The following RNF157 variants were observed in gnomAD, a reference collection of about 807,000 sequenced individuals.
RNF157 encodes E3 ubiquitin ligase RNF157.
RNF157 carries 55 observed loss-of-function variants against 88.3 expected under a neutral mutation model. The ratio of observed to expected loss-of-function variants is 0.62; its 90% CI spans 0.50 to 0.78. RNF157 has a LOEUF of 0.78. Among genes scored for constraint, RNF157 ranks in the 30% least tolerant of loss-of-function variants. The probability of loss-of-function intolerance (pLI) is 0.00; values close to 1 mark genes in which losing one functional copy is unlikely to be tolerated. For synonymous variants in RNF157, 334 were observed against 341.2 expected (o/e 0.98, Z 0.23); for missense variants, 788 against 860.8 (o/e 0.92, Z 1.06).
chr17:76,161,732 C>G lies in RNF157; in HGVS notation c.953-85G>C. 6.6e-7 allele frequency: 1 copy of G among 1,525,676 alleles called. No homozygotes were observed. Among genetic ancestry groups the G allele is most frequent in the Non-Finnish European group, 9.0e-7 (1 of 1,110,382 alleles). 94.5% of individuals were successfully genotyped at this position (1,525,676 alleles called of 1,614,324 possible). ...GCCCAGACAGAAACCATGATCCCTCCCAGCGCGCATCCGTTTGTCAGATCC... is the reference window on the plus strand; with the variant it reads ...GCCCAGACAGAAACCATGATCCCTCGCAGCGCGCATCCGTTTGTCAGATCC... On this transcript the variant is annotated intron_variant, in intron 10 of 18. Coordinates refer to ENST00000269391, the MANE Select transcript of RNF157 (RefSeq NM_052916.3). The surrounding 1 kb of genome is among the most constrained non-coding windows in gnomAD (Gnocchi z 4.6).
rs2068853399 is a variant in RNF157 at position 76,162,012 on chromosome 17, GAGAA to G, written c.793-14_793-11del. 1 of 1,611,542 alleles carries G rather than the reference GAGAA, an allele frequency of 6.2e-7. No individual in the cohort carries two copies. Among genetic ancestry groups the G allele is most frequent in the African/African-American group, 1.3e-5 (1 of 74,896 alleles). On this transcript the variant is annotated splice_polypyrimidine_tract_variant and intron_variant, in intron 9 of 18. Coordinates refer to ENST00000269391, the MANE Select transcript of RNF157 (RefSeq NM_052916.3). ...CTTCGTCTTCAGCCACCTGGCCAAG[GAGAA>G]AGAAATGTAGCCAATGGCACAAAGC...
intron 3 of RNF157, among the ~76,000 whole-genome samples, chr17:76,168,938 G>T (rs1006661723): frequency 1.3e-5 from 2 of 152,228 alleles, no homozygotes; most frequent in Admixed American, 1.3e-4. Flanking sequence ...CTCCCAAGAA[G>T]TCTGAAGTCG....
intron 18 of RNF157, 38 bp downstream of exon 18, chr17:76,152,317 T>A: frequency 7.7e-7 from 1 of 1,290,504 alleles, no homozygotes; most frequent in Non-Finnish European, 1.1e-6. Context: ...ACAGGGATCG[T>A]CTCCCACCAA....
In RNF157 at chr17:76,154,511, ACC is replaced by A; in HGVS notation, c.1765-185_1765-184del. On this transcript the variant is annotated intron_variant, in intron 16 of 18. Coordinates refer to ENST00000269391, the MANE Select transcript of RNF157 (RefSeq NM_052916.3). ...AGAGGCAGATCTTGCTTGGAGAGGC[ACC>A]ATCTGCCTACAGGGATTAGATCCGA... 2.6e-5 allele frequency: 16 copies of A among 609,412 alleles called. No homozygotes were observed. The South Asian group carries it at 3.1e-4, about 12-fold the overall frequency. The allele number at this position is 609,412 out of a possible 1,614,324, so 37.8% of individuals were successfully genotyped here.
In RNF157 at chr17:76,154,266, A is replaced by G. The variant is rs780774947; in HGVS notation, c.1810+17T>C. 28 of 1,579,588 alleles carry G rather than the reference A, an allele frequency of 1.8e-5. No homozygotes were observed. In the African/African-American group the frequency reaches 2.0e-4, roughly 11 times the overall value. ...GAAAGATAACTAAAGGAAGTAAAGG[A>G]CCAGATCTTTTACCACCTTCCTGCG... On this transcript the variant is annotated intron_variant, in intron 17 of 18. Transcript: ENST00000269391.
At chr17:76,183,758 A>G (rs2069235968) in intron 2 of RNF157, among the ~76,000 whole-genome samples, 1 of 151,992 alleles carries the variant, frequency 6.6e-6, no homozygotes, top group African/African-American at 2.4e-5. Flanking sequence ...TTATTTCTTC[A>G]TTTGTTTAAT....
At chr17:76,228,519 C>T (rs932321729) in intron 1 of RNF157, among the ~76,000 whole-genome samples, 3 of 152,164 alleles carry the variant, frequency 2.0e-5, no homozygotes, top group African/African-American at 7.2e-5. Context: ...TTAACACTTG[C>T]GTTCCTCTCT....
intron 1 of RNF157, among the ~76,000 whole-genome samples, chr17:76,214,555 T>A (rs891732486): frequency 2.0e-5 from 3 of 152,144 alleles, no homozygotes; most frequent in African/African-American, 7.2e-5. Flanking sequence ...GATAATACAG[T>A]TATCCCTGGC....
intron 2 of RNF157, among the ~76,000 whole-genome samples, chr17:76,185,562 C>T (rs1479887010): frequency 6.0e-5 from 9 of 151,036 alleles, no homozygotes; most frequent in East Asian, 5.8e-4. Context: ...CTCCGCCTCC[C>T]GGGTTCACGC....
chr17:76,237,350 C>T (rs750614388), intron 1 of RNF157, among the ~76,000 whole-genome samples: 7 of 152,332 alleles, frequency 4.6e-5, no homozygotes, highest in Admixed American at 6.5e-5. Flanking sequence ...CAGGTCTAGC[C>T]GCTTTCCAGC....
intron 2 of RNF157, among the ~76,000 whole-genome samples, chr17:76,208,226 T>G (rs1403321858): frequency 6.6e-6 from 1 of 152,152 alleles, no homozygotes; most frequent in Non-Finnish European, 1.5e-5. Context: ...CTGGCCTCAT[T>G]CCACTTTCAG....
chr17:76,177,725 C>T (rs768828523), intron 2 of RNF157, among the ~76,000 whole-genome samples: 5 of 152,226 alleles, frequency 3.3e-5, no homozygotes, highest in Non-Finnish European at 5.9e-5. Context: ...CCAGGCTCAG[C>T]CAGAACAGAG....
chr17:76,234,825 T>C (rs992733303), intron 1 of RNF157, among the ~76,000 whole-genome samples: 4 of 152,268 alleles, frequency 2.6e-5, no homozygotes, highest in African/African-American at 9.6e-5. Flanking sequence ...TTTAACTCTA[T>C]AATCCATTTT....
Position 76,157,326 on chromosome 17 carries a change from G to A in RNF157, c.1414-1005C>T, listed in dbSNP as rs537403149. 9.8e-5 allele frequency among the ~76,000 whole-genome samples: 15 copies of A among 152,340 alleles called. No individual in the cohort carries two copies. The highest frequency in any genetic ancestry group is 1.9e-4 in the East Asian group (1 of 5,178). On this transcript the variant is annotated intron_variant, in intron 13 of 18. Coordinates refer to ENST00000269391, the MANE Select transcript of RNF157 (RefSeq NM_052916.3). This position sits in a 1 kb window ranked among gnomAD's most constrained non-coding sequence, Gnocchi z 5.6. The stretch of plus-strand genomic sequence containing the variant: ...CCTCTCCTGGCTGGGTCTGTCTCCC[G>A]TCTAGTCCAGGCTGCACACTGCGGT...
chr17:76,234,133 G>C (rs1252627213), intron 1 of RNF157, among the ~76,000 whole-genome samples: 1 of 152,164 alleles, frequency 6.6e-6, no homozygotes, highest in Admixed American at 6.5e-5. Context: ...TTATTCAATA[G>C]ATGGCCTTTT....
intron 2 of RNF157, among the ~76,000 whole-genome samples, chr17:76,193,671 C>G (rs2069423898): frequency 6.6e-6 from 1 of 152,166 alleles, no homozygotes; most frequent in Non-Finnish European, 1.5e-5. Flanking sequence ...AGCACGTTCT[C>G]CTTTTGTCTG....
intron 2 of RNF157, among the ~76,000 whole-genome samples, chr17:76,186,398 T>C (rs1189336427): frequency 2.0e-5 from 3 of 151,750 alleles, no homozygotes; most frequent in Non-Finnish European, 4.4e-5. Flanking sequence ...TCCCAGCTAC[T>C]CAGGAGGCTG....
chr17:76,175,861 C>T lies in RNF157; in HGVS notation c.208-2071G>A, dbSNP rs1445332286. 4 of 799,034 alleles carry T rather than the reference C, an allele frequency of 5.0e-6. No individual in the cohort carries two copies. In the African/African-American group the frequency reaches 5.6e-5, roughly 11 times the overall value. 49.5% of individuals were successfully genotyped at this position (799,034 alleles called of 1,614,324 possible). A position where few individuals can be genotyped will look rare whatever the true frequency, so the allele number is the denominator to read the frequency against. On this transcript the variant is annotated intron_variant, in intron 2 of 18. Coordinates refer to ENST00000269391, the MANE Select transcript of RNF157 (RefSeq NM_052916.3). The stretch of plus-strand genomic sequence containing the variant: ...AAAAAGAAAGAAAAAAAAATCCTGG[C>T]ACTCTTTATCCTCCATTTTGAATAT...
At chr17:76,162,093 T>G (rs1487052340) in intron 9 of RNF157, 91 bp from the exon 10 acceptor site, 1 of 1,328,244 alleles carries the variant, frequency 7.5e-7, no homozygotes, top group African/African-American at 1.5e-5. Context: ...AGAGCTAAGA[T>G]AAGTAATAAT....
Sources: gnomAD v4.1 joint callset for allele counts (sites outside exome capture counted in the v4.1 genomes callset) on GRCh38, gnomAD v4.1.1 for gene constraint, Gnocchi (gnomAD v3.1) non-coding constraint, MANE v1.5 for transcripts, NCBI Gene and HGNC (gene_info 2026-07-23, HGNC 2026-07-21) for gene names.